PI16: variants seen among roughly 807,000 people sequenced by gnomAD.
PI16 encodes peptidase inhibitor 16.
In PI16, 35 loss-of-function variants were observed where a neutral mutation model predicts 38.0. The ratio of observed to expected loss-of-function variants is 0.92; its 90% CI spans 0.70 to 1.22. PI16 has a LOEUF of 1.22. PI16 is among the 50% of genes most tolerant of loss of function. The pLI is 0.00. For synonymous variants in PI16, 275 were observed against 252.9 expected (o/e 1.09, Z -0.83); for missense variants, 572 against 593.8 (o/e 0.96, Z 0.38).
In PI16 at chr6:36,959,341, G is replaced by A. The variant is rs140122899; in HGVS notation, c.368G>A (p.Gly123Asp). The change falls in exon 2 of 7, where the codon GGC becomes GAC. Residue 123 changes from glycine to aspartate, a missense_variant. Coordinates refer to ENST00000373674, the MANE Select transcript of PI16 (RefSeq NM_153370.3). ...CTCAGCGCCGCCACCTGCAGCCCAGGCCAGATGTGCGGCCACTACACGCAG... is the reference window on the plus strand; with the variant it reads ...CTCAGCGCCGCCACCTGCAGCCCAGACCAGATGTGCGGCCACTACACGCAG... ...YNLSAATCSP[G>D]QMCGHYTQVV... 65 of 1,563,962 alleles carry A rather than the reference G, an allele frequency of 4.2e-5. No homozygotes were observed. The Admixed American group carries it at 5.1e-4, about 12-fold the overall frequency.
At chr6:36,961,623 G>A in intron 3 of PI16, 63 bp downstream of exon 3, 3 of 1,455,104 alleles carry the variant, frequency 2.1e-6, no homozygotes, top group South Asian at 1.1e-5. Flanking sequence ...CCAAGGGGAG[G>A]GCAGAGTCGG....
upstream of PI16, among the ~76,000 whole-genome samples, chr6:36,952,928 G>T (rs926218332): frequency 1.2e-4 from 18 of 152,134 alleles, no homozygotes; most frequent in Non-Finnish European, 1.5e-5. Flanking sequence ...TCTAATCCAT[G>T]AATATAGGAT....
At chr6:36,949,319 G>A (rs190734253) in intron 1 of PI16, among the ~76,000 whole-genome samples, 2 of 151,922 alleles carry the variant, frequency 1.3e-5, no homozygotes, top group Non-Finnish European at 2.9e-5. Context: ...ATGGGGTTTC[G>A]TCATGTTGGC....
chr6:36,960,677 C>G (rs1335195263), intron 2 of PI16, among the ~76,000 whole-genome samples: 1 of 143,676 alleles, frequency 7.0e-6, no homozygotes, highest in East Asian at 2.2e-4. Flanking sequence ...CCACTTGCTC[C>G]TGCAGGGATT....
In PI16 at chr6:36,962,542, G is replaced by A. The variant is rs1045204301; in HGVS notation, c.593-393G>A. 6.6e-6 allele frequency among the ~76,000 whole-genome samples: 1 copy of A among 151,678 alleles called. No individual in the cohort carries two copies. Among genetic ancestry groups the A allele is most frequent in the South Asian group, 2.1e-4 (1 of 4,800 alleles). ...GGCTAGAGTGCAATGGCTCGATCTC[G>A]GCTCACCTGCAACCTCCGCCTCCCG... is the stretch of plus-strand genomic sequence containing the variant. On this transcript the variant is annotated intron_variant, in intron 4 of 6. Transcript: ENST00000373674. This position sits in a 1 kb window ranked among gnomAD's most constrained non-coding sequence, Gnocchi z 4.1.
At chr6:36,952,028 C>A (rs1214390916), upstream of PI16, among the ~76,000 whole-genome samples, 1 of 146,596 alleles carries the variant, frequency 6.8e-6, no homozygotes, top group East Asian at 2.0e-4. Context: ...TTTTGAGACT[C>A]CGTCACCCAG....
chr6:36,956,107 CCT>C (rs1370918005), intron 1 of PI16, among the ~76,000 whole-genome samples: 1 of 152,228 alleles, frequency 6.6e-6, no homozygotes, highest in Non-Finnish European at 1.5e-5. Context: ...CCTTCAAAGG[CCT>C]CTGTTTCCAG....
At chr6:36,961,090 C>A (rs557160548) in intron 2 of PI16, among the ~76,000 whole-genome samples, 2 of 152,104 alleles carry the variant, frequency 1.3e-5, no homozygotes. Context: ...GAGATTCTTT[C>A]GTTTGGATAT....
At position 36,963,014 on chromosome 6, in the gene PI16, A is replaced by T; in HGVS notation, c.672A>T (p.Ala224=). The change falls in exon 5 of 7, where the codon GCA becomes GCT. Residue 224 remains alanine (A), a synonymous_variant. Transcript: ENST00000373674. The part of the protein sequence containing the change: ...TEAPSFRATE[A]SDSRKMGTPS... ...CCCCATCCTTCCGGGCGACTGAAGC[A>T]TCAGACTCTAGGAAAATGGGTACTC... The T allele has an allele frequency of 6.2e-7, 1 of 1,614,208 alleles. No individual in the cohort carries two copies. The highest frequency in any genetic ancestry group is 8.5e-7 in the Non-Finnish European group (1 of 1,180,026).
In PI16 at chr6:36,962,880, A is replaced by T; in HGVS notation, c.593-55A>T. ...GCGTCACTTGGTTTGCAGTGCCATG[A>T]GAGATGTGGGGTCCTGCTTGCAGCA... On this transcript the variant is annotated intron_variant, in intron 4 of 6. Transcript: ENST00000373674. This position sits in a 1 kb window ranked among gnomAD's most constrained non-coding sequence, Gnocchi z 4.1. 1 of 1,473,418 alleles carries T rather than the reference A, an allele frequency of 6.8e-7. No individual in the cohort carries two copies. Among genetic ancestry groups the T allele is most frequent in the Non-Finnish European group, 9.2e-7 (1 of 1,083,458 alleles). The allele number at this position is 1,473,418 out of a possible 1,614,324, so 91.3% of individuals were successfully genotyped here. A position where few individuals can be genotyped will look rare whatever the true frequency, so the allele number is the denominator to read the frequency against.
At chr6:36,953,350 AGTT>A (rs1185553867), upstream of PI16, among the ~76,000 whole-genome samples, 30 of 150,806 alleles carry the variant, frequency 2.0e-4, no homozygotes, top group South Asian at 5.6e-3. Flanking sequence ...AAAAAAAAAA[AGTT>A]TATTGGTAAG....
At chr6:36,959,830 T>G (rs1763308666) in intron 2 of PI16, among the ~76,000 whole-genome samples, 3 of 141,880 alleles carry the variant, frequency 2.1e-5, no homozygotes, top group Non-Finnish European at 4.5e-5. Context: ...ATCACACCAC[T>G]ACACTCCAGC....
At chr6:36,954,530 G>C (rs1182214255), upstream of PI16, 2 of 550,834 alleles carry the variant, frequency 3.6e-6, no homozygotes, top group Non-Finnish European at 6.2e-6. Context: ...TTTGGCCTGA[G>C]CCCCCGTTAC....
chr6:36,950,620 C>T (rs930839877), upstream of PI16, among the ~76,000 whole-genome samples: 19 of 151,754 alleles, frequency 1.3e-4, no homozygotes, highest in Admixed American at 3.9e-4. This position sits in a 1 kb window ranked among gnomAD's most constrained non-coding sequence, Gnocchi z 4.2. Context: ...CTCGGCTCAC[C>T]GCAACCTCCA....
intron 1 of PI16, 110 bp downstream of exon 1, chr6:36,955,041 C>T: frequency 7.0e-7 from 1 of 1,433,772 alleles, no homozygotes; most frequent in Non-Finnish European, 9.1e-7. Context: ...CAGAATTCCT[C>T]TCCTTTTTCT....
upstream of PI16, among the ~76,000 whole-genome samples, chr6:36,951,006 TA>T (rs1282566213): frequency 6.6e-6 from 1 of 152,204 alleles, no homozygotes; most frequent in Non-Finnish European, 1.5e-5. Context: ...AATTTCTCCA[TA>T]TCCTTGTCAA....
At position 36,962,317 on chromosome 6, in the gene PI16, C is replaced by T. The variant is rs953564180; in HGVS notation, c.592+343C>T. Among the ~76,000 whole-genome samples the T allele has an allele frequency of 4.6e-5, 7 of 152,116 alleles. No homozygotes were observed. Among genetic ancestry groups the T allele is most frequent in the Admixed American group, 2.0e-4 (3 of 15,278 alleles). On this transcript the variant is annotated intron_variant, in intron 4 of 6. Transcript: ENST00000373674. This position sits in a 1 kb window ranked among gnomAD's most constrained non-coding sequence, Gnocchi z 4.1. ...GCGTGGTCAGAAGGCTTCAAACGGGCGAGGCCAGTCTTGCTGGGGGCGTGT... is the reference window on the plus strand; with the variant it reads ...GCGTGGTCAGAAGGCTTCAAACGGGTGAGGCCAGTCTTGCTGGGGGCGTGT...
upstream of PI16, chr6:36,954,369 T>G (rs141132621): frequency 8.0e-4 from 132 of 164,344 alleles, no homozygotes; most frequent in Middle Eastern, 2.8e-3. Flanking sequence ...TCTTGCCCAC[T>G]CCTCTGTGGG....
Position 36,963,154 on chromosome 6 carries a change from A to G in PI16, c.812A>G (p.Lys271Arg). Residue 271 changes from lysine (K) to arginine (R), a missense_variant, in exon 5 of 7, where the codon AAA becomes AGA. Lys to Arg is a conservative substitution (Grantham distance 26). Transcript: ENST00000373674. ...ETQAPTSLAT[K>R]DPPSMATEAP... ...CAGGCCCCAACTTCCTTAGCAACGA[A>G]AGACCCGCCCTCCATGGCAACAGAG... 1 of 1,614,152 alleles carries G rather than the reference A, an allele frequency of 6.2e-7. No homozygotes were observed.
Sources: gnomAD v4.1 joint callset for allele counts (sites outside exome capture counted in the v4.1 genomes callset) on GRCh38, gnomAD v4.1.1 for gene constraint, Gnocchi (gnomAD v3.1) non-coding constraint, MANE v1.5 for transcripts, NCBI Gene and HGNC (gene_info 2026-07-23, HGNC 2026-07-21) for gene names.